NCOA7: variants seen among roughly 807,000 people sequenced by gnomAD.
The protein encoded by NCOA7 is 140 kDa estrogen receptor-associated protein.
Under a neutral mutation model 104.3 loss-of-function variants are expected in NCOA7, and 45 were observed. That is an observed-to-expected ratio of 0.43 (90% CI 0.34 to 0.55). The LOEUF (loss-of-function observed/expected upper bound fraction) is 0.55, where lower values mean the gene tolerates loss of function less well. NCOA7 is among the 20% of genes least tolerant of loss of function. The pLI, the probability that NCOA7 is intolerant of heterozygous loss-of-function variation, is 0.02. For missense variants in NCOA7, 1,041 were observed against 1,119.7 expected (o/e 0.93, Z 1.00); for synonymous variants, 398 against 402.3 (o/e 0.99, Z 0.13).
intron 10 of NCOA7, among the ~76,000 whole-genome samples, chr6:125,909,359 A>AG (rs1161826575): frequency 3.3e-5 from 5 of 152,198 alleles, no homozygotes; most frequent in Non-Finnish European, 2.9e-5. Context: ...GGCTTCATGA[A>AG]GGCAGGGTCA....
intron 1 of NCOA7, among the ~76,000 whole-genome samples, chr6:125,793,580 G>A (rs1775045931): frequency 6.6e-6 from 1 of 152,064 alleles, no homozygotes; most frequent in Non-Finnish European, 1.5e-5. Flanking sequence ...GCCCCCACAA[G>A]CACCACCAGA....
chr6:125,845,511 C>T (rs1477524119), intron 2 of NCOA7, among the ~76,000 whole-genome samples: 5 of 152,212 alleles, frequency 3.3e-5, no homozygotes, highest in Non-Finnish European at 7.3e-5. Flanking sequence ...CACGGTGGCT[C>T]ATGCCTGTAA....
chr6:125,797,448 T>C (rs1455792354), intron 1 of NCOA7, among the ~76,000 whole-genome samples: 1 of 152,236 alleles, frequency 6.6e-6, no homozygotes, highest in Non-Finnish European at 1.5e-5. Flanking sequence ...AATTTCTGAC[T>C]AGTGGGTTAT....
At chr6:125,882,775 A>G (rs1044242030) in intron 7 of NCOA7, among the ~76,000 whole-genome samples, 3 of 152,068 alleles carry the variant, frequency 2.0e-5, no homozygotes, top group East Asian at 3.8e-4. Context: ...TCTTGGATTT[A>G]TTGTTTTTTT....
rs771294897 is a variant in NCOA7 at position 125,928,196 on chromosome 6, A to AT, written c.2644dup (p.Ser882PhefsTer27). The AT allele has an allele frequency of 6.2e-7, 1 of 1,612,858 alleles. No homozygotes were observed. Among genetic ancestry groups the AT allele is most frequent in the Non-Finnish European group, 8.5e-7 (1 of 1,179,788 alleles). ...AAGGTCTTTAAGTGGAGTGGAGAAA[A>AT]TTCATACTTTATCAATGGAGACATA... On this transcript the variant is annotated frameshift_variant, in exon 15 of 16. Coordinates refer to ENST00000392477, the MANE Select transcript of NCOA7 (RefSeq NM_181782.5). LOFTEE classifies it high-confidence loss of function.
intron 1 of NCOA7, among the ~76,000 whole-genome samples, chr6:125,800,391 A>G (rs1015540149): frequency 4.6e-5 from 7 of 152,250 alleles, no homozygotes; most frequent in Admixed American, 2.6e-4. Flanking sequence ...TATGTGCCTT[A>G]TAATTATTAG....
Position 125,855,100 on chromosome 6 carries a change from A to C in NCOA7, c.131A>C (p.Asp44Ala), listed in dbSNP as rs529214502. ...VATRTHTGKE[D>A]NNTVVLEPDK... ...ACAAGGACTCATACTGGGAAGGAAG[A>C]TAATAATACAGTAGTTTTAGAGCCA... The change falls in exon 3 of 16, where the codon GAT (aspartate) becomes GCT (alanine). Residue 44 changes from aspartate (D) to alanine (A), a missense_variant. Asp to Ala is a moderately radical substitution (Grantham distance 126, BLOSUM62 -2). Transcript: ENST00000392477. 5.6e-6 allele frequency: 9 copies of C among 1,613,576 alleles called. 1 individual carries two copies. In the South Asian group the frequency reaches 9.9e-5, roughly 18 times the overall value.
intron 2 of NCOA7, among the ~76,000 whole-genome samples, chr6:125,841,388 A>G (rs1780157712): frequency 6.6e-6 from 1 of 152,112 alleles, no homozygotes; most frequent in South Asian, 2.1e-4. Flanking sequence ...TAATGACAAA[A>G]TCACCTAATG....
intron 2 of NCOA7, among the ~76,000 whole-genome samples, chr6:125,833,717 A>T (rs912165382): frequency 2.0e-5 from 3 of 152,230 alleles, no homozygotes; most frequent in Admixed American, 2.0e-4. Context: ...TGCCATTGCC[A>T]TCAGCACGTT....
intron 3 of NCOA7, among the ~76,000 whole-genome samples, chr6:125,862,309 AATAAATG>A (rs771112244): frequency 2.9e-5 from 4 of 138,192 alleles, no homozygotes; most frequent in Admixed American, 6.8e-5. Flanking sequence ...ACAGGTCATG[AATAAATG>A]ATAAAGAGAT....
At chr6:125,843,498 G>A (rs958485821) in intron 2 of NCOA7, among the ~76,000 whole-genome samples, 6 of 152,152 alleles carry the variant, frequency 3.9e-5, no homozygotes, top group African/African-American at 7.2e-5. Flanking sequence ...AATAAGCTAC[G>A]TGCATAATAT....
At chr6:125,880,045 T>C (rs1783693485) in intron 5 of NCOA7, among the ~76,000 whole-genome samples, 1 of 152,186 alleles carries the variant, frequency 6.6e-6, no homozygotes, top group Admixed American at 6.5e-5. Context: ...TGCCACAATG[T>C]AGCATGTCTC....
At chr6:125,844,805 T>C (rs1283767589) in intron 2 of NCOA7, among the ~76,000 whole-genome samples, 1 of 152,346 alleles carries the variant, frequency 6.6e-6, no homozygotes, top group East Asian at 1.9e-4. Context: ...TGTTGTGCTT[T>C]ATATGTTCTC....
At chr6:125,924,885 C>T (rs983864474) in intron 13 of NCOA7, among the ~76,000 whole-genome samples, 3 of 152,094 alleles carry the variant, frequency 2.0e-5, no homozygotes, top group Admixed American at 2.0e-4. Context: ...TGTGGGTCCC[C>T]TGTATTTCTT....
chr6:125,907,444 G>A (rs956427487), intron 10 of NCOA7, among the ~76,000 whole-genome samples: 2 of 152,162 alleles, frequency 1.3e-5, no homozygotes, highest in African/African-American at 4.8e-5. Flanking sequence ...TGGCTCCGGT[G>A]GTGCTGTGAG....
chr6:125,885,432 AT>A (rs1784178145), intron 8 of NCOA7, 89 bp downstream of exon 8: 12 of 1,329,460 alleles, frequency 9.0e-6, no homozygotes, highest in Non-Finnish European at 1.3e-5. Context: ...TGATTGAGGG[AT>A]TGTGTAGAGG....
chr6:125,884,687 A>T (rs1026060931), intron 7 of NCOA7, among the ~76,000 whole-genome samples: 1 of 152,220 alleles, frequency 6.6e-6, no homozygotes, highest in Admixed American at 6.5e-5. Flanking sequence ...TATTGGGACT[A>T]TTCTTTGGCA....
In NCOA7 at chr6:125,873,133, T is replaced by G. The variant is rs1441990796; in HGVS notation, c.272-1756T>G. Among the ~76,000 whole-genome samples the G allele has an allele frequency of 2.0e-5, 3 of 152,158 alleles. No homozygotes were observed. In the South Asian group the frequency reaches 6.2e-4, roughly 31 times the overall value. The stretch of plus-strand genomic sequence containing the variant: ...CCCCATGTTTGTGATATAGATGAAA[T>G]GATATCGTTGAGACATTTCCGTGTG... On this transcript the variant is annotated intron_variant, in intron 3 of 15. Coordinates refer to ENST00000392477, the MANE Select transcript of NCOA7 (RefSeq NM_181782.5).
At chr6:125,893,447 A>T (rs1221720696) in intron 10 of NCOA7, among the ~76,000 whole-genome samples, 2 of 150,888 alleles carry the variant, frequency 1.3e-5, no homozygotes, top group Non-Finnish European at 2.9e-5. Flanking sequence ...AATACTTTTT[A>T]AAAATGTTTA....
Sources: gnomAD v4.1 joint callset for allele counts (sites outside exome capture counted in the v4.1 genomes callset) on GRCh38, gnomAD v4.1.1 for gene constraint, MANE v1.5 for transcripts, NCBI Gene and HGNC (gene_info 2026-07-23, HGNC 2026-07-21) for gene names.